Variants in CREB5 observed in about 807,000 individuals in gnomAD.
CREB5 encodes cAMP responsive element binding protein 5.
In CREB5, 19 loss-of-function variants were observed where a neutral mutation model predicts 57.1. That is an observed-to-expected ratio of 0.33 (90% CI 0.23 to 0.49). The LOEUF (loss-of-function observed/expected upper bound fraction) is 0.49. Ranked by LOEUF, CREB5 falls within the 20% of genes least tolerant of loss-of-function variation. The pLI is 0.99. For synonymous variants in CREB5, 238 were observed against 238.3 expected, an observed-to-expected ratio of 1.00 and a Z score of 0.01; for missense variants, 579 against 671.6, an observed-to-expected ratio of 0.86 and a Z score of 1.52.
At chr7:28,794,461 T>C (rs1807909040) in intron 7 of CREB5, among the ~76,000 whole-genome samples, 1 of 152,198 alleles carries the variant, frequency 6.6e-6, no homozygotes, top group Non-Finnish European at 1.5e-5. Context: ...TCTACTTCCA[T>C]TGTGCATTTA....
chr7:28,791,480 G>T (rs1475125075), intron 7 of CREB5, among the ~76,000 whole-genome samples: 1 of 152,170 alleles, frequency 6.6e-6, no homozygotes, highest in Non-Finnish European at 1.5e-5. Flanking sequence ...AAAGCAGGAG[G>T]TTCAAATTCC....
At chr7:28,341,428 A>G (rs1287727983) in intron 1 of CREB5, among the ~76,000 whole-genome samples, 9 of 152,242 alleles carry the variant, frequency 5.9e-5, no homozygotes, top group South Asian at 4.1e-4. Flanking sequence ...ATTTTTGTCT[A>G]TGTTAGGGAT....
intron 5 of CREB5, among the ~76,000 whole-genome samples, chr7:28,702,911 A>G (rs1265541996): frequency 1.3e-5 from 2 of 152,210 alleles, no homozygotes; most frequent in Non-Finnish European, 2.9e-5. Context: ...AAAGATCAAA[A>G]GATGCTTCAA....
intron 1 of CREB5, among the ~76,000 whole-genome samples, chr7:28,316,477 T>A (rs73082440): frequency 0.028 from 4,280 of 151,876 alleles, 78 homozygotes; most frequent in South Asian, 0.072. Context: ...AAGAGACAAA[T>A]CAATCAGGAT....
At chr7:28,785,508 G>C (rs1056632502) in intron 7 of CREB5, among the ~76,000 whole-genome samples, 1 of 152,200 alleles carries the variant, frequency 6.6e-6, no homozygotes, top group Non-Finnish European at 1.5e-5. Flanking sequence ...TAAAGCGATG[G>C]TTGTTCTTTT....
At chr7:28,567,624 C>T (rs75926862) in intron 4 of CREB5, among the ~76,000 whole-genome samples, 1 of 152,164 alleles carries the variant, frequency 6.6e-6, no homozygotes, top group Non-Finnish European at 1.5e-5. Flanking sequence ...GGAGATGGTG[C>T]CCATCACTTC....
chr7:28,600,382 T>TCAGA (rs10660786), intron 5 of CREB5, among the ~76,000 whole-genome samples: 148,086 of 152,196 alleles, frequency 0.97, 72,125 homozygotes, highest in Non-Finnish European at 0.99. Context: ...CTCACGAAGC[T>TCAGA]CAGTGAACCT....
At chr7:28,323,394 C>G (rs1785525728) in intron 1 of CREB5, among the ~76,000 whole-genome samples, 1 of 152,212 alleles carries the variant, frequency 6.6e-6, no homozygotes, top group South Asian at 2.1e-4. Flanking sequence ...GTGTTCCTAT[C>G]TTGGGACCCT....
chr7:28,514,184 T>A, intron 4 of CREB5, among the ~76,000 whole-genome samples: 1 of 152,160 alleles, frequency 6.6e-6, no homozygotes. Context: ...AAAAGTATTT[T>A]ATCTTTTGCG....
intron 1 of CREB5, among the ~76,000 whole-genome samples, chr7:28,367,730 C>A (rs1376089896): frequency 2.0e-5 from 3 of 152,182 alleles, no homozygotes; most frequent in African/African-American, 7.2e-5. Context: ...ATTGCTTGAA[C>A]CCGGGAGGCA....
chr7:28,344,195 T>A (rs894731427), intron 1 of CREB5, among the ~76,000 whole-genome samples: 3 of 152,160 alleles, frequency 2.0e-5, no homozygotes, highest in African/African-American at 7.2e-5. Context: ...TGCCTGTGCT[T>A]TTGAGGTCTT....
chr7:28,383,119 G>A (rs1239000157), intron 1 of CREB5, among the ~76,000 whole-genome samples: 2 of 152,164 alleles, frequency 1.3e-5, no homozygotes, highest in East Asian at 1.9e-4. Flanking sequence ...AGCCAAGTGG[G>A]AGGGTCTGGA....
chr7:28,417,115 T>C (rs1354968440), intron 1 of CREB5, among the ~76,000 whole-genome samples: 1 of 152,150 alleles, frequency 6.6e-6, no homozygotes, highest in Non-Finnish European at 1.5e-5. Context: ...CTCAGTTTCT[T>C]CATTTGTGAT....
At chr7:28,400,050 C>G (rs1787425319) in intron 1 of CREB5, among the ~76,000 whole-genome samples, 1 of 145,856 alleles carries the variant, frequency 6.9e-6, no homozygotes, top group Non-Finnish European at 1.5e-5. Flanking sequence ...AAGAGCGAAA[C>G]TCTGTCTGAA....
intron 1 of CREB5, among the ~76,000 whole-genome samples, chr7:28,362,214 A>C (rs990754268): frequency 6.6e-6 from 1 of 152,178 alleles, no homozygotes; most frequent in Non-Finnish European, 1.5e-5. Flanking sequence ...GGAAACTTAC[A>C]TTTTGTGTCC....
chr7:28,654,518 G>T (rs182281440), intron 5 of CREB5, among the ~76,000 whole-genome samples: 1 of 152,260 alleles, frequency 6.6e-6, no homozygotes, highest in African/African-American at 2.4e-5. Context: ...GGCAAGGGTA[G>T]GAGCCCTCTA....
chr7:28,374,542 A>C (rs1250729880), intron 1 of CREB5, among the ~76,000 whole-genome samples: 1 of 152,238 alleles, frequency 6.6e-6, no homozygotes, highest in Non-Finnish European at 1.5e-5. Context: ...TACATGAAAC[A>C]ATGTGGATGA....
intron 4 of CREB5, among the ~76,000 whole-genome samples, chr7:28,526,255 C>G (rs1453756114): frequency 6.6e-6 from 1 of 152,230 alleles, no homozygotes; most frequent in Non-Finnish European, 1.5e-5. Context: ...AGTCCAAGGG[C>G]TTCCCCAAAG....
intron 5 of CREB5, among the ~76,000 whole-genome samples, chr7:28,709,658 A>G (rs1802303665): frequency 6.6e-6 from 1 of 151,836 alleles, no homozygotes; most frequent in South Asian, 2.1e-4. Context: ...TATTACTACC[A>G]TTGGCTTACT....
Sources: allele counts gnomAD v4.1 joint callset (sites outside exome capture counted in the v4.1 genomes callset), GRCh38; gene constraint gnomAD v4.1.1; transcripts MANE v1.5; gene names NCBI Gene and HGNC (gene_info 2026-07-23, HGNC 2026-07-21).